Variants in FBXW8 observed in about 807,000 individuals in gnomAD.
FBXW8 encodes the protein F-box and WD repeat domain containing 8.
Under a neutral mutation model 65.3 loss-of-function variants are expected in FBXW8, and 57 were observed. The observed-to-expected ratio is 0.87, with a 90% CI of 0.71 to 1.09. The LOEUF is 1.09. Among genes scored for constraint, FBXW8 ranks in the 50% least tolerant of loss-of-function variants. The pLI, the probability that FBXW8 is intolerant of heterozygous loss-of-function variation, is 0.00. For missense variants in FBXW8, 777 were observed against 814.8 expected, an observed-to-expected ratio of 0.95 and a Z score of 0.57; for synonymous variants, 308 against 330.2, an observed-to-expected ratio of 0.93 and a Z score of 0.73.
intron 3 of FBXW8, among the ~76,000 whole-genome samples, chr12:116,946,716 G>A (rs4347476): frequency 0.029 from 4,431 of 151,988 alleles, 195 homozygotes; most frequent in East Asian, 0.2. Context: ...ATCCACCTAC[G>A]GTAATAAACT....
chr12:116,927,983 C>A, intron 1 of FBXW8, 40 bp from the exon 2 acceptor site: 1 of 1,305,636 alleles, frequency 7.7e-7, no homozygotes, highest in Non-Finnish European at 1.1e-6. Context: ...ATTTTCATAT[C>A]TAAAAATTAT....
At chr12:116,971,501 T>TA (rs1884643209) in intron 5 of FBXW8, among the ~76,000 whole-genome samples, 2 of 152,088 alleles carry the variant, frequency 1.3e-5, no homozygotes, top group South Asian at 4.1e-4. Flanking sequence ...ACAGAGACTG[T>TA]ATTAGGGGCT....
chr12:117,026,413 C>G (rs898417386), intron 9 of FBXW8, among the ~76,000 whole-genome samples: 1 of 151,796 alleles, frequency 6.6e-6, no homozygotes, highest in Non-Finnish European at 1.5e-5. Flanking sequence ...CAAGCCTGCC[C>G]TCCCTTCCCG....
At chr12:117,027,736 G>A (rs1003883853) in intron 10 of FBXW8, among the ~76,000 whole-genome samples, 3 of 152,252 alleles carry the variant, frequency 2.0e-5, no homozygotes, top group Non-Finnish European at 4.4e-5. Context: ...CAGAGAGGGA[G>A]GGCAAGCCGT....
chr12:116,934,323 G>T (rs1407157836), intron 2 of FBXW8, among the ~76,000 whole-genome samples: 1 of 152,116 alleles, frequency 6.6e-6, no homozygotes, highest in East Asian at 1.9e-4. Flanking sequence ...CTCTCTGTGG[G>T]AGTGTTTCTT....
At chr12:116,989,387 C>T (rs1477611193) in intron 7 of FBXW8, among the ~76,000 whole-genome samples, 3 of 152,184 alleles carry the variant, frequency 2.0e-5, no homozygotes, top group African/African-American at 2.4e-5. Flanking sequence ...ATGCATATTG[C>T]AGCTTGCAGA....
rs1299435412 is a variant in FBXW8 at position 116,981,019 on chromosome 12, G to A, written c.836-4187G>A. 2.0e-5 allele frequency among the ~76,000 whole-genome samples: 3 copies of A among 152,094 alleles called. No homozygotes were observed. The East Asian group carries it at 5.8e-4, about 29-fold the overall frequency. On this transcript the variant is annotated intron_variant, in intron 5 of 10. Coordinates refer to ENST00000652555, the MANE Select transcript of FBXW8 (RefSeq NM_153348.3). ...TGATATCCCCAGTCCCTAGAATAGT[G>A]CCTTGGTACAAAACAGGGAGCTCTG...
chr12:116,960,461 T>C (rs1883914696), intron 4 of FBXW8, among the ~76,000 whole-genome samples: 1 of 152,252 alleles, frequency 6.6e-6, no homozygotes, highest in African/African-American at 2.4e-5. Flanking sequence ...ATTTATGTTA[T>C]TATCATACCT....
intron 7 of FBXW8, among the ~76,000 whole-genome samples, chr12:117,001,815 CCT>C (rs1209283193): frequency 7.2e-5 from 11 of 152,260 alleles, no homozygotes; most frequent in African/African-American, 1.7e-4. Context: ...ATGAATATTC[CCT>C]GTTTGTGTTA....
chr12:116,911,430 T>G (rs1316680197), intron 1 of FBXW8, 75 bp downstream of exon 1: 1 of 1,067,132 alleles, frequency 9.4e-7, no homozygotes, highest in African/African-American at 1.6e-5. Context: ...TGCAGTGATT[T>G]GGAGAGTAAC....
rs1954318659 is a variant in FBXW8 at position 117,029,834 on chromosome 12, A to C, written c.*1662A>C. On this transcript the variant is annotated 3_prime_UTR_variant, in exon 11 of 11. Coordinates refer to ENST00000652555, the MANE Select transcript of FBXW8 (RefSeq NM_153348.3). The stretch of plus-strand genomic sequence containing the variant: ...GCTATGTTGGCCAGGCTGGTCTCAA[A>C]CTTCTGACCTCAAATGATTGCCTGC... 2.6e-5 allele frequency: 4 copies of C among 151,906 alleles called. No homozygotes were observed. The highest frequency in any genetic ancestry group is 2.6e-4 in the Admixed American group (4 of 15,236). The allele number at this position is 151,906 out of a possible 1,614,324, so 9.4% of individuals were successfully genotyped here. A position where few individuals can be genotyped will look rare whatever the true frequency, so the allele number is the denominator to read the frequency against.
chr12:116,912,892 C>T (rs1344017196), intron 1 of FBXW8, among the ~76,000 whole-genome samples: 2 of 152,218 alleles, frequency 1.3e-5, no homozygotes, highest in South Asian at 4.1e-4. Context: ...GTCCTGTGCT[C>T]TGCCCTAATT....
At chr12:116,931,304 A>G (rs1435477112) in intron 2 of FBXW8, among the ~76,000 whole-genome samples, 1 of 152,190 alleles carries the variant, frequency 6.6e-6, no homozygotes, top group Non-Finnish European at 1.5e-5. Flanking sequence ...ATATTTTGAA[A>G]TGAGGTATTG....
intron 1 of FBXW8, among the ~76,000 whole-genome samples, chr12:116,912,605 C>T (rs375786076): frequency 9.9e-5 from 15 of 152,114 alleles, no homozygotes; most frequent in African/African-American, 3.6e-4. Flanking sequence ...GACTAACAGG[C>T]GCCCACCACC....
intron 2 of FBXW8, among the ~76,000 whole-genome samples, chr12:116,931,699 T>G (rs1881783991): frequency 6.6e-6 from 1 of 152,180 alleles, no homozygotes; most frequent in Non-Finnish European, 1.5e-5. Context: ...ACTCTACTGA[T>G]TTTTGTATAT....
chr12:117,025,450 A>G (rs1954200960), intron 9 of FBXW8, among the ~76,000 whole-genome samples: 1 of 152,260 alleles, frequency 6.6e-6, no homozygotes, highest in Non-Finnish European at 1.5e-5. Flanking sequence ...ACCGCAAATC[A>G]AGGTAAACCG....
chr12:116,929,254 A>T (rs1881579598), intron 2 of FBXW8, among the ~76,000 whole-genome samples: 1 of 151,590 alleles, frequency 6.6e-6, no homozygotes, highest in Non-Finnish European at 1.5e-5. Context: ...TCTTTTTTTG[A>T]GACAGAGTCT....
chr12:116,956,041 G>T (rs1049684474), intron 4 of FBXW8, among the ~76,000 whole-genome samples: 1 of 152,024 alleles, frequency 6.6e-6, no homozygotes, highest in Non-Finnish European at 1.5e-5. Flanking sequence ...GATTCATAAG[G>T]CTAAAGCATT....
intron 1 of FBXW8, among the ~76,000 whole-genome samples, chr12:116,921,139 G>A (rs73395573): frequency 0.024 from 3,609 of 152,274 alleles, 145 homozygotes; most frequent in African/African-American, 0.082. Context: ...AGGAGAGTGA[G>A]AATATGTCTT....
Sources: gnomAD v4.1 joint callset for allele counts (sites outside exome capture counted in the v4.1 genomes callset) on GRCh38, gnomAD v4.1.1 for gene constraint, MANE v1.5 for transcripts, NCBI Gene and HGNC (gene_info 2026-07-23, HGNC 2026-07-21) for gene names.